Variants in ROBO2 observed in about 807,000 individuals in gnomAD.
ROBO2 encodes roundabout guidance receptor 2.
ROBO2 carries 53 observed loss-of-function variants against 160.8 expected under a neutral mutation model. The ratio of observed to expected loss-of-function variants is 0.33; its 90% CI spans 0.26 to 0.41. The LOEUF (loss-of-function observed/expected upper bound fraction) is 0.41. Ranked by LOEUF, ROBO2 falls within the 10% of genes least tolerant of loss-of-function variation. The pLI, the probability that ROBO2 is intolerant of heterozygous loss-of-function variation, is 1.00. For missense variants in ROBO2, 1,577 were observed against 1,722.4 expected (o/e 0.92, Z 1.49); for synonymous variants, 664 against 611.7 (o/e 1.09, Z -1.26).
intron 2 of ROBO2, among the ~76,000 whole-genome samples, chr3:77,440,109 TTA>T (rs1468619129): frequency 2.0e-5 from 3 of 152,170 alleles, no homozygotes; most frequent in African/African-American, 7.2e-5. Flanking sequence ...TTGTTTTCAT[TTA>T]TGTCAGTCTA....
At chr3:76,552,598 T>G (rs1186337225) in intron 2 of ROBO2, among the ~76,000 whole-genome samples, 1 of 152,138 alleles carries the variant, frequency 6.6e-6, no homozygotes, top group African/African-American at 2.4e-5. Flanking sequence ...CAAAAAACAA[T>G]AAACCTTTCA....
chr3:76,983,858 A>G (rs1345939327), intron 2 of ROBO2, among the ~76,000 whole-genome samples: 1 of 152,232 alleles, frequency 6.6e-6, no homozygotes, highest in Admixed American at 6.5e-5. Context: ...GTCTTTCCTC[A>G]GGCTGCTATG....
intron 2 of ROBO2, among the ~76,000 whole-genome samples, chr3:77,117,484 C>A (rs113472480): frequency 1.3e-5 from 2 of 152,044 alleles, no homozygotes; most frequent in Non-Finnish European, 2.9e-5. Context: ...AGAATAACAA[C>A]CTTATTGCAA....
chr3:77,523,733 C>T (rs995673134), intron 6 of ROBO2, among the ~76,000 whole-genome samples: 1 of 151,350 alleles, frequency 6.6e-6, no homozygotes, highest in Non-Finnish European at 1.5e-5. Flanking sequence ...GCATCATCTA[C>T]ACTCCTAGAA....
intron 2 of ROBO2, among the ~76,000 whole-genome samples, chr3:76,366,732 C>T (rs2075830112): frequency 1.3e-5 from 2 of 151,844 alleles, no homozygotes; most frequent in Non-Finnish European, 2.9e-5. Flanking sequence ...AAACCATACA[C>T]CAAAAAGATT....
At chr3:76,236,847 GA>G (rs1704977461) in intron 2 of ROBO2, among the ~76,000 whole-genome samples, 1 of 151,972 alleles carries the variant, frequency 6.6e-6, no homozygotes, top group Non-Finnish European at 1.5e-5. Context: ...GATCTGGTAG[GA>G]AAAATATAAC....
At chr3:76,891,498 T>A (rs975266073) in intron 2 of ROBO2, among the ~76,000 whole-genome samples, 2 of 152,188 alleles carry the variant, frequency 1.3e-5, no homozygotes, top group African/African-American at 2.4e-5. Flanking sequence ...CTTGAGTTGA[T>A]GTGGACATTG....
rs113872671 is a variant in ROBO2 at position 76,504,221 on chromosome 3, G to C, written c.109+566619G>C. On this transcript the variant is annotated intron_variant, in intron 2 of 26. Coordinates refer to the ROBO2 transcript ENST00000487694. Reference sequence around the variant, plus strand: ...AAAATATATGTAAAATAGAGGTTTTGTACGACGTTGGTCATGTTCACTATG... The same window carrying C: ...AAAATATATGTAAAATAGAGGTTTTCTACGACGTTGGTCATGTTCACTATG... Among the ~76,000 whole-genome samples the C allele has an allele frequency of 7.5e-3, 1,139 of 152,280 alleles. 11 individuals carry two copies. Among genetic ancestry groups the C allele is most frequent in the African/African-American group, 0.025 (1,055 of 41,550 alleles).
chr3:76,957,571 G>A (rs886875411), intron 2 of ROBO2, among the ~76,000 whole-genome samples: 2 of 152,108 alleles, frequency 1.3e-5, no homozygotes, highest in South Asian at 2.1e-4. Context: ...AGTGGCTCAC[G>A]CCTGTAGTCC....
At chr3:77,648,674 T>G (rs1434843767) in exon 26 of ROBO2, 1 of 152,172 alleles carries the variant, frequency 6.6e-6, no homozygotes, top group Non-Finnish European at 1.5e-5. Flanking sequence ...GAAACATTAC[T>G]GGAAAGCAAA....
chr3:76,317,328 C>A lies in ROBO2; in HGVS notation c.109+379726C>A, dbSNP rs772690907. Among the ~76,000 whole-genome samples the A allele has an allele frequency of 5.4e-4, 82 of 152,258 alleles. 1 individual carries two copies. The highest frequency in any genetic ancestry group is 1.5e-3 in the Admixed American group (23 of 15,276). On this transcript the variant is annotated intron_variant, in intron 2 of 26. Coordinates refer to the ROBO2 transcript ENST00000487694. ...TCTCACCTTTGTAACGCTGGGAAAT[C>A]ATTTTTATTACAAGGCTTTTACTAT...
chr3:76,631,161 T>C (rs1221826298), intron 2 of ROBO2, among the ~76,000 whole-genome samples: 1 of 152,218 alleles, frequency 6.6e-6, no homozygotes, highest in African/African-American at 2.4e-5. Context: ...TAGTACATTT[T>C]ATGATATTTA....
chr3:76,213,530 A>G (rs1484504093), intron 2 of ROBO2, among the ~76,000 whole-genome samples: 2 of 152,140 alleles, frequency 1.3e-5, no homozygotes, highest in East Asian at 1.9e-4. Context: ...AAGGTAGTGT[A>G]TTCTTTTTTC....
At chr3:76,602,970 C>A (rs2087276970) in intron 2 of ROBO2, among the ~76,000 whole-genome samples, 1 of 152,116 alleles carries the variant, frequency 6.6e-6, no homozygotes, top group Non-Finnish European at 1.5e-5. Flanking sequence ...CTCTAACGTG[C>A]TCTCAAAGTA....
At chr3:77,157,786 A>T (rs907727456) in intron 2 of ROBO2, among the ~76,000 whole-genome samples, 1 of 152,022 alleles carries the variant, frequency 6.6e-6, no homozygotes, top group African/African-American at 2.4e-5. Context: ...TATATTAGAG[A>T]TTATCTATAT....
chr3:76,735,529 A>C (rs2093694427), intron 2 of ROBO2, among the ~76,000 whole-genome samples: 1 of 152,042 alleles, frequency 6.6e-6, no homozygotes, highest in Non-Finnish European at 1.5e-5. Flanking sequence ...TGGGAGGCCA[A>C]GGCAGGCAGA....
At chr3:76,184,492 C>T (rs76508265) in intron 2 of ROBO2, among the ~76,000 whole-genome samples, 3,587 of 151,836 alleles carry the variant, frequency 0.024, 208 homozygotes, top group East Asian at 0.2. Context: ...ATGCAAAACA[C>T]ATTTCAAAGA....
chr3:76,083,491 G>A (rs2068905693), intron 2 of ROBO2, among the ~76,000 whole-genome samples: 2 of 152,108 alleles, frequency 1.3e-5, no homozygotes, highest in South Asian at 2.1e-4. Flanking sequence ...TTTAGCAACA[G>A]CATGGGAAGG....
chr3:77,252,831 A>AAATATATAT, intron 2 of ROBO2, among the ~76,000 whole-genome samples: 2 of 12,524 alleles, frequency 1.6e-4, no homozygotes, highest in African/African-American at 3.2e-4. Flanking sequence ...AAAAAAAAAA[A>AAATATATAT]ATATATATAT....
Sources: allele counts gnomAD v4.1 joint callset (sites outside exome capture counted in the v4.1 genomes callset), GRCh38; gene constraint gnomAD v4.1.1; transcripts MANE v1.5; gene names NCBI Gene and HGNC (gene_info 2026-07-23, HGNC 2026-07-21).